Variants in CNKSR2 observed in about 807,000 individuals in gnomAD.
CNKSR2 encodes the protein connector enhancer of kinase suppressor of Ras 2, also known as CNK homolog protein 2.
CNKSR2 carries 14 observed loss-of-function variants against 84.4 expected under a neutral mutation model. The ratio of observed to expected loss-of-function variants is 0.17; its 90% CI spans 0.11 to 0.26. The LOEUF (loss-of-function observed/expected upper bound fraction) is 0.26, where lower values mean the gene tolerates loss of function less well. Among genes scored for constraint, CNKSR2 ranks in the 10% least tolerant of loss-of-function variants. CNKSR2 has a pLI of 1.00. For missense variants in CNKSR2, 485 were observed against 771.2 expected (o/e 0.63, Z 4.40); for synonymous variants, 275 against 277.9 (o/e 0.99, Z 0.10).
intron 20 of CNKSR2, among the ~76,000 whole-genome samples, chrX:21,615,277 T>C (rs1349826535): frequency 8.9e-6 from 1 of 112,487 alleles, no homozygotes; most frequent in Non-Finnish European, 1.9e-5. Flanking sequence ...ATGTTAGATA[T>C]ATAAATGAAG....
chrX:21,419,215 T>G (rs1337898270), intron 1 of CNKSR2, among the ~76,000 whole-genome samples: 1 of 111,054 alleles, frequency 9.0e-6, no homozygotes, highest in African/African-American at 3.3e-5. Flanking sequence ...AATTGCATTT[T>G]TCAGCTCCAG....
chrX:21,602,115 G>A (rs760410400), intron 18 of CNKSR2, among the ~76,000 whole-genome samples: 67 of 110,778 alleles, frequency 6.0e-4, no homozygotes, highest in Non-Finnish European at 1.0e-3. Flanking sequence ...TCTCAGCCAG[G>A]TTTTGTTTTT....
In CNKSR2 at chrX:21,646,423, T is replaced by C. The variant is rs189693302; in HGVS notation, c.2693-2408T>C. 2.0e-4 allele frequency among the ~76,000 whole-genome samples: 22 copies of C among 112,113 alleles called. No individual in the cohort carries two copies. The East Asian group carries it at 5.0e-3, about 26-fold the overall frequency. Reference sequence around the variant, plus strand: ...GTATGTCATTTTATATATTGAATCTTCATTCATCCTTCTTAAAGTAAAACT... The same window carrying C: ...GTATGTCATTTTATATATTGAATCTCCATTCATCCTTCTTAAAGTAAAACT... On this transcript the variant is annotated intron_variant, in intron 20 of 21. Transcript: ENST00000379510.
At chrX:21,619,326 A>G (rs1284475863) in intron 20 of CNKSR2, among the ~76,000 whole-genome samples, 1 of 112,263 alleles carries the variant, frequency 8.9e-6, no homozygotes, top group Non-Finnish European at 1.9e-5. Context: ...GTAGAATTTT[A>G]TTATTGGAAA....
chrX:21,614,887 C>T (rs2147293073), intron 20 of CNKSR2, among the ~76,000 whole-genome samples: 1 of 111,566 alleles, frequency 9.0e-6, no homozygotes, highest in South Asian at 3.8e-4. Flanking sequence ...TCTCATGAGA[C>T]AGCATTCAAA....
intron 11 of CNKSR2, among the ~76,000 whole-genome samples, chrX:21,551,531 T>G (rs1451869663): frequency 8.9e-6 from 1 of 112,334 alleles, no homozygotes; most frequent in Non-Finnish European, 1.9e-5. Context: ...GATGAAATAG[T>G]GTTCCCTTAT....
At chrX:21,443,569 A>G (rs1299333640) in intron 4 of CNKSR2, among the ~76,000 whole-genome samples, 1 of 111,435 alleles carries the variant, frequency 9.0e-6, no homozygotes, top group Non-Finnish European at 1.9e-5. Flanking sequence ...TCCATTTTAC[A>G]TGTTCTTGGT....
chrX:21,514,967 A>G (rs1007622220), intron 8 of CNKSR2, among the ~76,000 whole-genome samples: 2 of 110,413 alleles, frequency 1.8e-5, no homozygotes, highest in Non-Finnish European at 3.8e-5. Flanking sequence ...TGGGCACATA[A>G]TAGTCCCCAC....
rs148928817 is a variant in CNKSR2, at chrX:21,606,828, A to G, written c.2094A>G (p.Pro698=). Residue 698 remains proline, a synonymous_variant, in exon 19 of 22, where the codon CCA becomes CCG. Coordinates refer to ENST00000379510, the MANE Select transcript of CNKSR2 (RefSeq NM_014927.5). ...DKEEADTPST[P]KQDSPPPPYD... is the part of the protein sequence containing the mutation. Reference sequence around the variant, plus strand: ...AAGAAGCAGATACTCCATCAACACCAAAACAAGATAGCCCTCCACCCCCAT... The same window carrying G: ...AAGAAGCAGATACTCCATCAACACCGAAACAAGATAGCCCTCCACCCCCAT... 1.2e-5 allele frequency: 15 copies of G among 1,202,187 alleles called. No individual in the cohort carries two copies. In the African/African-American group the frequency reaches 2.3e-4, roughly 18 times the overall value.
chrX:21,579,000 C>T (rs897304989), intron 13 of CNKSR2, among the ~76,000 whole-genome samples: 1 of 111,798 alleles, frequency 8.9e-6, no homozygotes, highest in Admixed American at 9.5e-5. Flanking sequence ...TGGTCCCATA[C>T]TCAGGTGCTG....
intron 11 of CNKSR2, among the ~76,000 whole-genome samples, chrX:21,536,823 C>A (rs2091931793): frequency 1.0e-5 from 1 of 99,248 alleles, no homozygotes; most frequent in Admixed American, 1.1e-4. Context: ...TGTTGGTCTT[C>A]TGTAGGTTTT....
chrX:21,536,829 GTTT>G (rs57674975), intron 11 of CNKSR2, among the ~76,000 whole-genome samples: 1 of 93,125 alleles, frequency 1.1e-5, no homozygotes, highest in African/African-American at 4.0e-5. Flanking sequence ...TCTTCTGTAG[GTTT>G]TTTTTTTTTT....
Position 21,374,630 on chromosome X carries a change from A to AGCAGCAGCC in CNKSR2, c.-266_-265insAGCAGCCGC, listed in dbSNP as rs547454548. The AGCAGCAGCC allele has an allele frequency of 1.7e-3, 772 of 445,010 alleles. 3 individuals carry two copies. Among genetic ancestry groups the AGCAGCAGCC allele is most frequent in the South Asian group, 8.1e-3 (282 of 34,849 alleles). The allele number at this position is 445,010 out of a possible 1,213,427, so 36.7% of individuals were successfully genotyped here. On this transcript the variant is annotated 5_prime_UTR_variant, in exon 1 of 22. Transcript: ENST00000379510. ...CAGCAGCAGCAGCAGCAGCAGCAGC[A>AGCAGCAGCC]GCCGCCGCCGCCGCCGCCTTAGCGG...
chrX:21,541,067 C>G (rs2091972586), intron 11 of CNKSR2, among the ~76,000 whole-genome samples: 1 of 109,680 alleles, frequency 9.1e-6, no homozygotes, highest in African/African-American at 3.3e-5. Flanking sequence ...ACTGCAACCT[C>G]CACTTCCCGG....
intron 13 of CNKSR2, among the ~76,000 whole-genome samples, chrX:21,579,004 G>T (rs995674864): frequency 1.8e-5 from 2 of 111,803 alleles, no homozygotes; most frequent in African/African-American, 6.5e-5. Context: ...CCCATACTCA[G>T]GTGCTGAAGG....
At chrX:21,405,291 T>C (rs1242252038) in intron 1 of CNKSR2, among the ~76,000 whole-genome samples, 2 of 112,069 alleles carry the variant, frequency 1.8e-5, no homozygotes, top group Non-Finnish European at 3.8e-5. Flanking sequence ...AGGAATGTGC[T>C]ATACTTTCTT....
intron 1 of CNKSR2, among the ~76,000 whole-genome samples, chrX:21,375,618 TC>T (rs1158284198): frequency 8.9e-6 from 1 of 112,064 alleles, no homozygotes; most frequent in African/African-American, 3.2e-5. Context: ...CTCCAGCGCA[TC>T]CCCTCGCATC....
chrX:21,429,411 A>T (rs976121366), intron 2 of CNKSR2: 1 of 111,704 alleles, frequency 9.0e-6, no homozygotes, highest in African/African-American at 3.3e-5. Context: ...CTGCATTTTT[A>T]AAAAGTTGAG....
chrX:21,594,924 C>T (rs1261070444), intron 15 of CNKSR2, 50 bp from the exon 16 acceptor site: 1 of 938,968 alleles, frequency 1.1e-6, no homozygotes, highest in South Asian at 2.1e-5. Flanking sequence ...AGTATCATTA[C>T]CTTCACACCT....
Sources: allele counts gnomAD v4.1 joint callset (sites outside exome capture counted in the v4.1 genomes callset), GRCh38; gene constraint gnomAD v4.1.1; transcripts MANE v1.5; gene names NCBI Gene and HGNC (gene_info 2026-07-23, HGNC 2026-07-21).